Variants in MAN2A1 observed in about 807,000 individuals in gnomAD.
The protein encoded by MAN2A1 is alpha-mannosidase 2.
MAN2A1 carries 76 observed loss-of-function variants against 142.6 expected under a neutral mutation model. The observed-to-expected ratio is 0.53, with a 90% CI of 0.44 to 0.65. The LOEUF is 0.65. MAN2A1 is among the 30% of genes least tolerant of loss of function. MAN2A1 has a pLI of 0.00. For missense variants in MAN2A1, 1,311 were observed against 1,365.1 expected (o/e 0.96, Z 0.62); for synonymous variants, 559 against 473.2 (o/e 1.18, Z -2.35).
At chr5:109,711,121 C>T (rs1041839405) in intron 1 of MAN2A1, among the ~76,000 whole-genome samples, 7 of 152,102 alleles carry the variant, frequency 4.6e-5, no homozygotes, top group East Asian at 1.9e-4. Flanking sequence ...CCACCGTGCC[C>T]GGACAAAATG....
chr5:109,736,650 A>G (rs1752108465), intron 4 of MAN2A1, among the ~76,000 whole-genome samples: 1 of 152,072 alleles, frequency 6.6e-6, no homozygotes, highest in Middle Eastern at 3.2e-3. Context: ...TCCCATGTGT[A>G]GTTATTTTTG....
At chr5:109,849,714 G>C (rs1272787188) in intron 19 of MAN2A1, among the ~76,000 whole-genome samples, 1 of 144,820 alleles carries the variant, frequency 6.9e-6, no homozygotes, top group East Asian at 2.0e-4. Context: ...TTTTTTTTTT[G>C]TTTTTTTTCA....
At chr5:109,702,137 G>C (rs1389955285) in intron 1 of MAN2A1, among the ~76,000 whole-genome samples, 1 of 152,172 alleles carries the variant, frequency 6.6e-6, no homozygotes, top group East Asian at 1.9e-4. Context: ...AAAGCAGCTT[G>C]TGTTCAAATT....
intron 7 of MAN2A1, among the ~76,000 whole-genome samples, chr5:109,772,236 G>A (rs3753174): frequency 0.38 from 57,911 of 151,870 alleles, 11,943 homozygotes; most frequent in African/African-American, 0.55. Context: ...TTCTATGGCG[G>A]CGTGTGCCTG....
At chr5:109,722,617 T>C (rs531374987) in intron 3 of MAN2A1, among the ~76,000 whole-genome samples, 3 of 152,292 alleles carry the variant, frequency 2.0e-5, no homozygotes, top group Admixed American at 1.3e-4. Flanking sequence ...GGTTTCACCA[T>C]GTTGGCCAGG....
At chr5:109,850,390 C>G (rs1017149990) in intron 19 of MAN2A1, among the ~76,000 whole-genome samples, 1 of 152,010 alleles carries the variant, frequency 6.6e-6, no homozygotes, top group South Asian at 2.1e-4. Flanking sequence ...GGTAGACATT[C>G]TTTAAACAAA....
intron 16 of MAN2A1, among the ~76,000 whole-genome samples, chr5:109,825,007 A>G (rs1219587882): frequency 6.6e-6 from 1 of 152,218 alleles, no homozygotes; most frequent in Non-Finnish European, 1.5e-5. Context: ...GGCAGGTGGG[A>G]AAAATAATGC....
chr5:109,696,903 C>G (rs1308403541), intron 1 of MAN2A1, among the ~76,000 whole-genome samples: 1 of 152,132 alleles, frequency 6.6e-6, no homozygotes, highest in Non-Finnish European at 1.5e-5. Context: ...ATTTAGGATT[C>G]TAGATTGTAG....
At chr5:109,747,995 A>G (rs1004536052) in intron 4 of MAN2A1, among the ~76,000 whole-genome samples, 7 of 152,166 alleles carry the variant, frequency 4.6e-5, no homozygotes, top group Non-Finnish European at 7.4e-5. Context: ...TTAAACATGT[A>G]TCTTGGAGAA....
intron 5 of MAN2A1, among the ~76,000 whole-genome samples, chr5:109,756,954 G>C (rs1752705304): frequency 6.6e-6 from 1 of 152,172 alleles, no homozygotes; most frequent in African/African-American, 2.4e-5. Context: ...AGTCTGTAAT[G>C]AGTTTCCTGG....
chr5:109,865,117 G>C lies in MAN2A1; in HGVS notation c.3253G>C (p.Gly1085Arg). The change falls in exon 21 of 22, where the codon GGG becomes CGG. Residue 1085 changes from glycine (G) to arginine (R), a missense_variant. Transcript: ENST00000261483. ...TTGTCGGTTCTCTAGCAAAGGCACA[G>C]GGCTGTTTTGTTCTACTACTCAGGG... ...FDCRFSSKGT[G>R]LFCSTTQGKI... 1 of 1,613,974 alleles carries C rather than the reference G, an allele frequency of 6.2e-7. No homozygotes were observed. The highest frequency in any genetic ancestry group is 8.5e-7 in the Non-Finnish European group (1 of 1,179,882).
At chr5:109,835,308 A>G (rs1418639340) in intron 16 of MAN2A1, among the ~76,000 whole-genome samples, 1 of 152,248 alleles carries the variant, frequency 6.6e-6, no homozygotes, top group Non-Finnish European at 1.5e-5. Flanking sequence ...CTGCAACAAA[A>G]TGATGATTCT....
At chr5:109,826,533 C>G (rs551528630) in intron 16 of MAN2A1, among the ~76,000 whole-genome samples, 78 of 152,266 alleles carry the variant, frequency 5.1e-4, no homozygotes, top group African/African-American at 1.7e-3. Context: ...ATTTGAGCTC[C>G]TCTTAACAAA....
At chr5:109,866,789 GTGC>G in intron 21 of MAN2A1, 54 bp from the exon 22 acceptor site, 1 of 1,141,640 alleles carries the variant, frequency 8.8e-7, no homozygotes, top group Middle Eastern at 2.0e-4. Flanking sequence ...ATATGTAGTT[GTGC>G]TGCTAATCTT....
At chr5:109,735,649 G>T (rs565283484) in intron 4 of MAN2A1, among the ~76,000 whole-genome samples, 100 of 152,048 alleles carry the variant, frequency 6.6e-4, no homozygotes, top group African/African-American at 2.3e-3. Context: ...GCTGTAGACC[G>T]GAGCTGTTCC....
At chr5:109,795,970 C>G (rs898231406) in intron 12 of MAN2A1, among the ~76,000 whole-genome samples, 2 of 152,178 alleles carry the variant, frequency 1.3e-5, no homozygotes, top group African/African-American at 4.8e-5. Context: ...ATGTACTTCC[C>G]TCCCTCCAGT....
chr5:109,784,786 C>T lies in MAN2A1; in HGVS notation c.1620C>T (p.His540=). ...ILYYFALRQA[H]KYKINKFLSS... is the part of the protein sequence containing the mutation. ...ACTATTTCGCCCTGAGACAAGCTCA[C>T]AAATACAAGATAAATAAATTTCTCT... Residue 540 remains histidine (H), a synonymous_variant, in exon 10 of 22, where the codon CAC becomes CAT. Transcript: ENST00000261483. 2 of 1,609,548 alleles carry T rather than the reference C, an allele frequency of 1.2e-6. No homozygotes were observed. The highest frequency in any genetic ancestry group is 2.2e-5 in the South Asian group (2 of 89,652).
At chr5:109,847,593 C>G in intron 18 of MAN2A1, 64 bp from the exon 19 acceptor site, 1 of 1,345,932 alleles carries the variant, frequency 7.4e-7, no homozygotes, top group Non-Finnish European at 9.7e-7. Context: ...TTAAGTGATG[C>G]TCAATGAATG....
intron 12 of MAN2A1, among the ~76,000 whole-genome samples, chr5:109,800,143 G>A (rs1206089056): frequency 1.3e-5 from 2 of 150,782 alleles, no homozygotes; most frequent in African/African-American, 4.9e-5. Flanking sequence ...ACCCGAATGT[G>A]CACACACACA....
Sources: gnomAD v4.1 joint callset for allele counts (sites outside exome capture counted in the v4.1 genomes callset) on GRCh38, gnomAD v4.1.1 for gene constraint, MANE v1.5 for transcripts, NCBI Gene and HGNC (gene_info 2026-07-23, HGNC 2026-07-21) for gene names.